DOCK2: variants seen among roughly 807,000 people sequenced by gnomAD.
DOCK2 encodes the protein dedicator of cytokinesis protein 2.
A neutral mutation model predicts 248.9 loss-of-function variants in DOCK2; 87 were observed. That is an observed-to-expected ratio of 0.35 (90% CI 0.29 to 0.42). The LOEUF is 0.42. Ranked by LOEUF, DOCK2 falls within the 10% of genes least tolerant of loss-of-function variation. The probability of loss-of-function intolerance (pLI) is 1.00; values close to 1 mark genes in which losing one functional copy is unlikely to be tolerated. For synonymous variants in DOCK2, 805 were observed against 821.6 expected (o/e 0.98, Z 0.35); for missense variants, 1,747 against 2,300.2 (o/e 0.76, Z 4.92).
At chr5:169,708,908 A>G (rs544431855) in intron 15 of DOCK2, among the ~76,000 whole-genome samples, 1 of 152,304 alleles carries the variant, frequency 6.6e-6, no homozygotes, top group African/African-American at 2.4e-5. Flanking sequence ...AGTTCTGTGC[A>G]TAGACCCTAG....
intron 10 of DOCK2, among the ~76,000 whole-genome samples, chr5:169,697,656 G>C (rs189210562): frequency 1.3e-3 from 196 of 152,270 alleles, no homozygotes; most frequent in Non-Finnish European, 2.0e-3. Flanking sequence ...TCTCTATCTA[G>C]ATGCAGTCAG....
intron 25 of DOCK2, among the ~76,000 whole-genome samples, chr5:169,784,269 G>A (rs1487261185): frequency 1.3e-5 from 2 of 152,114 alleles, no homozygotes; most frequent in Non-Finnish European, 1.5e-5. Flanking sequence ...CATTTCAGAC[G>A]ATGATGATGA....
At chr5:169,938,754 T>C (rs1045069970) in intron 27 of DOCK2, among the ~76,000 whole-genome samples, 32 of 152,234 alleles carry the variant, frequency 2.1e-4, no homozygotes, top group African/African-American at 7.7e-4. Flanking sequence ...AAATTAACCA[T>C]AGCAGAGTGT....
At chr5:169,743,214 A>G (rs538844742) in intron 22 of DOCK2, among the ~76,000 whole-genome samples, 1 of 152,136 alleles carries the variant, frequency 6.6e-6, no homozygotes, top group Non-Finnish European at 1.5e-5. Flanking sequence ...TCATCAGGTT[A>G]TTTCTTCCTT....
intron 44 of DOCK2, among the ~76,000 whole-genome samples, chr5:170,059,067 A>G (rs1050079972): frequency 1.3e-5 from 2 of 152,162 alleles, no homozygotes; most frequent in African/African-American, 4.8e-5. Flanking sequence ...AGAGTTAATT[A>G]GTGCATTGTT....
intron 26 of DOCK2, among the ~76,000 whole-genome samples, chr5:169,833,384 AAGGT>A (rs1191617391): frequency 1.3e-5 from 2 of 152,186 alleles, no homozygotes; most frequent in African/African-American, 2.4e-5. Flanking sequence ...CTTTGAAAGA[AAGGT>A]AGGAATCATA....
intron 25 of DOCK2, among the ~76,000 whole-genome samples, chr5:169,785,677 T>A (rs188676032): frequency 2.6e-4 from 39 of 152,324 alleles, no homozygotes; most frequent in Admixed American, 5.2e-4. Context: ...AGTTTCTTCT[T>A]AGCTATGATT....
intron 39 of DOCK2, among the ~76,000 whole-genome samples, 159 bp from the exon 40 acceptor site, chr5:170,047,351 T>C (rs1756750457): frequency 6.6e-6 from 1 of 152,228 alleles, no homozygotes; most frequent in Non-Finnish European, 1.5e-5. Context: ...TAAATATAGC[T>C]ATTACTATTG....
chr5:169,759,153 C>T (rs1247142795), intron 23 of DOCK2, among the ~76,000 whole-genome samples: 1 of 152,120 alleles, frequency 6.6e-6, no homozygotes, highest in Non-Finnish European at 1.5e-5. Context: ...AGCTAGTGGA[C>T]CAAAACATAC....
intron 10 of DOCK2, among the ~76,000 whole-genome samples, chr5:169,697,777 C>G (rs550380410): frequency 3.9e-5 from 6 of 152,236 alleles, no homozygotes; most frequent in African/African-American, 1.2e-4. Flanking sequence ...TTTCTCAGCC[C>G]TCTCCTACAC....
At chr5:169,956,648 A>C (rs746759278) in intron 27 of DOCK2, among the ~76,000 whole-genome samples, 2 of 152,216 alleles carry the variant, frequency 1.3e-5, no homozygotes, top group African/African-American at 2.4e-5. Flanking sequence ...AATCTTGCTT[A>C]AAATGCATTG....
chr5:169,891,305 G>A (rs1186548861), intron 27 of DOCK2, among the ~76,000 whole-genome samples: 1 of 152,132 alleles, frequency 6.6e-6, no homozygotes, highest in Non-Finnish European at 1.5e-5. Context: ...TAGCTTATTT[G>A]TGTATTATCT....
intron 11 of DOCK2, 38 bp from the exon 12 acceptor site, chr5:169,699,344 C>A (rs768224137): frequency 1.9e-6 from 3 of 1,598,472 alleles, no homozygotes; most frequent in South Asian, 2.2e-5. Flanking sequence ...GCAAGGAGGA[C>A]ACGATGTGGA....
chr5:169,770,290 CTTTTTTTT>C (rs60938799), intron 25 of DOCK2, among the ~76,000 whole-genome samples: 1 of 101,640 alleles, frequency 9.8e-6, no homozygotes, highest in Admixed American at 1.2e-4. Context: ...ATTCTTGAGT[CTTTTTTTT>C]TTTTTTTTTT....
intron 2 of DOCK2, among the ~76,000 whole-genome samples, chr5:169,667,393 A>G (rs1758797721): frequency 6.6e-6 from 1 of 152,244 alleles, no homozygotes; most frequent in South Asian, 2.1e-4. Context: ...TTCCTCATCT[A>G]TAAAATGGGA....
At chr5:170,011,273 C>A (rs1188700151) in intron 32 of DOCK2, among the ~76,000 whole-genome samples, 2 of 152,174 alleles carry the variant, frequency 1.3e-5, no homozygotes, top group African/African-American at 4.8e-5. Flanking sequence ...AGCAACTGAT[C>A]TGGTCCAATT....
Position 169,699,433 on chromosome 5 carries a change from C to A in DOCK2, c.1107C>A (p.Ala369=). ...ACAGCCTGCTGGGCAAAGTCATAGC[C>A]TCCAAGGGGGACAGTGGAGGGCAAG... is the stretch of plus-strand genomic sequence containing the variant. The part of the protein sequence containing the change: ...FLHSLLGKVI[A]SKGDSGGQGL... The change falls in exon 12 of 52, where the codon GCC becomes GCA. Residue 369 remains alanine, a synonymous_variant. Coordinates refer to ENST00000520908, the MANE Select transcript of DOCK2 (RefSeq NM_004946.3). 6 of 1,613,416 alleles carry A rather than the reference C, an allele frequency of 3.7e-6. No homozygotes were observed. Among genetic ancestry groups the A allele is most frequent in the Non-Finnish European group, 5.1e-6 (6 of 1,179,570 alleles).
intron 27 of DOCK2, among the ~76,000 whole-genome samples, chr5:169,919,532 A>G (rs1164530517): frequency 6.6e-6 from 1 of 152,212 alleles, no homozygotes; most frequent in Non-Finnish European, 1.5e-5. Flanking sequence ...TTTTGACCTT[A>G]ATTCTCCAGC....
intron 34 of DOCK2, among the ~76,000 whole-genome samples, chr5:170,030,041 G>A (rs1258096552): frequency 1.3e-5 from 2 of 152,218 alleles, no homozygotes; most frequent in Non-Finnish European, 1.5e-5. Flanking sequence ...TATCTGGGGG[G>A]AATAAACAAT....
Sources: allele counts gnomAD v4.1 joint callset (sites outside exome capture counted in the v4.1 genomes callset), GRCh38; gene constraint gnomAD v4.1.1; transcripts MANE v1.5; gene names NCBI Gene and HGNC (gene_info 2026-07-23, HGNC 2026-07-21).